Variants in ITGBL1 observed in about 807,000 individuals in gnomAD.
The protein encoded by ITGBL1 is integrin subunit beta like 1.
A neutral mutation model predicts 68.5 loss-of-function variants in ITGBL1; 51 were observed. The observed-to-expected ratio is 0.74, with a 90% confidence interval of 0.59 to 0.94. The LOEUF (loss-of-function observed/expected upper bound fraction) is 0.94. Among genes scored for constraint, ITGBL1 ranks in the 40% least tolerant of loss-of-function variants. The pLI is 0.00. For synonymous variants in ITGBL1, 209 were observed against 227.3 expected (o/e 0.92, Z 0.72); for missense variants, 649 against 647.4 (o/e 1.00, Z -0.03).
chr13:101,622,908 G>GGTGTGTGT (rs1356617988), intron 7 of ITGBL1, among the ~76,000 whole-genome samples: 1 of 93,576 alleles, frequency 1.1e-5, no homozygotes, highest in African/African-American at 4.4e-5. Flanking sequence ...GTGTGTGTGG[G>GGTGTGTGT]GTATGTATGT....
At chr13:101,710,471 C>T (rs190695683) in intron 9 of ITGBL1, among the ~76,000 whole-genome samples, 1 of 152,252 alleles carries the variant, frequency 6.6e-6, no homozygotes, top group Non-Finnish European at 1.5e-5. Context: ...CCCTGAGAAC[C>T]ACAGGAAAAG....
intron 7 of ITGBL1, among the ~76,000 whole-genome samples, chr13:101,602,472 T>C (rs1017288533): frequency 2.6e-5 from 4 of 152,036 alleles, no homozygotes; most frequent in African/African-American, 9.7e-5. Context: ...GTAATTGACA[T>C]TATTACCAAT....
At chr13:101,704,954 C>G (rs1318871946) in intron 8 of ITGBL1, among the ~76,000 whole-genome samples, 2 of 152,078 alleles carry the variant, frequency 1.3e-5, no homozygotes, top group East Asian at 3.9e-4. Flanking sequence ...TTTTGCTAAC[C>G]TGTGTGACAA....
chr13:101,626,055 G>A (rs1566763690), intron 7 of ITGBL1, among the ~76,000 whole-genome samples: 2 of 152,314 alleles, frequency 1.3e-5, no homozygotes, highest in East Asian at 1.9e-4. Flanking sequence ...TCATTGAGTT[G>A]ATGGGCCTCT....
chr13:101,697,656 T>C (rs2034033763), intron 8 of ITGBL1, among the ~76,000 whole-genome samples: 1 of 152,208 alleles, frequency 6.6e-6, no homozygotes, highest in African/African-American at 2.4e-5. Context: ...TTCTCTGCTT[T>C]GGTTTACCTA....
At chr13:101,606,174 T>TATATATATATATATA (rs1555361917) in intron 7 of ITGBL1, among the ~76,000 whole-genome samples, 105 of 138,040 alleles carry the variant, frequency 7.6e-4, no homozygotes, top group African/African-American at 2.7e-3. Context: ...ATTAGGATTT[T>TATATATATATATATA]TATATATATA....
At chr13:101,493,610 G>C (rs2048812600) in intron 2 of ITGBL1, among the ~76,000 whole-genome samples, 1 of 152,090 alleles carries the variant, frequency 6.6e-6, no homozygotes, top group South Asian at 2.1e-4. Flanking sequence ...TTCATCACCT[G>C]TTCATCCTGC....
At chr13:101,713,647 T>TG (rs1257808986) in intron 9 of ITGBL1, 2 of 152,222 alleles carry the variant, frequency 1.3e-5, no homozygotes, top group Non-Finnish European at 2.9e-5. Flanking sequence ...ACTTCTGTCT[T>TG]GGATACCATT....
chr13:101,638,200 G>C (rs2032239493), intron 7 of ITGBL1, among the ~76,000 whole-genome samples: 1 of 152,178 alleles, frequency 6.6e-6, no homozygotes, highest in South Asian at 2.1e-4. Flanking sequence ...TTATTTTACA[G>C]AGGATTTTGT....
intron 4 of ITGBL1, among the ~76,000 whole-genome samples, chr13:101,578,329 G>A (rs538350289): frequency 1.2e-4 from 19 of 152,090 alleles, no homozygotes; most frequent in Non-Finnish European, 2.4e-4. Flanking sequence ...GAGATGGAAA[G>A]AACAAAGACT....
intron 7 of ITGBL1, among the ~76,000 whole-genome samples, chr13:101,658,835 C>T (rs1450756558): frequency 6.6e-6 from 1 of 151,910 alleles, no homozygotes; most frequent in Non-Finnish European, 1.5e-5. Flanking sequence ...GGAGCACCTC[C>T]CTCACTACCG....
At chr13:101,698,787 A>G (rs1210945285) in intron 8 of ITGBL1, among the ~76,000 whole-genome samples, 2 of 152,310 alleles carry the variant, frequency 1.3e-5, no homozygotes, top group East Asian at 3.9e-4. Flanking sequence ...TGTGTGTTTA[A>G]TTGTTTAGCC....
chr13:101,669,193 G>T (rs2033297231), intron 7 of ITGBL1, among the ~76,000 whole-genome samples: 1 of 151,902 alleles, frequency 6.6e-6, no homozygotes, highest in South Asian at 2.1e-4. Context: ...TTATTTCAAA[G>T]TATTAAAAGA....
intron 7 of ITGBL1, among the ~76,000 whole-genome samples, chr13:101,625,942 A>G (rs1399049817): frequency 6.6e-6 from 1 of 152,188 alleles, no homozygotes; most frequent in Non-Finnish European, 1.5e-5. Context: ...CCTATAATGT[A>G]TTTTTAAAAT....
intron 7 of ITGBL1, among the ~76,000 whole-genome samples, chr13:101,634,062 TATA>T (rs1295946425): frequency 6.6e-6 from 1 of 152,178 alleles, no homozygotes; most frequent in Non-Finnish European, 1.5e-5. Context: ...ACCTTTTAAT[TATA>T]ATATTCTAAT....
At chr13:101,703,831 A>G (rs1389537865) in intron 8 of ITGBL1, among the ~76,000 whole-genome samples, 1 of 152,228 alleles carries the variant, frequency 6.6e-6, no homozygotes, top group African/African-American at 2.4e-5. Flanking sequence ...ATTGTAGAAG[A>G]TGCAAACCTT....
At chr13:101,503,673 A>G (rs767636983) in intron 2 of ITGBL1, among the ~76,000 whole-genome samples, 1 of 152,242 alleles carries the variant, frequency 6.6e-6, no homozygotes, top group South Asian at 2.1e-4. Context: ...CAACAGAAAG[A>G]ACTGGTTTTC....
At chr13:101,546,983 A>C (rs2049836465) in intron 2 of ITGBL1, among the ~76,000 whole-genome samples, 1 of 152,044 alleles carries the variant, frequency 6.6e-6, no homozygotes, top group Admixed American at 6.6e-5. Context: ...AAAGAATAAT[A>C]AAACCAGAGA....
intron 2 of ITGBL1, among the ~76,000 whole-genome samples, chr13:101,534,541 A>C (rs1333859698): frequency 6.6e-6 from 1 of 152,136 alleles, no homozygotes; most frequent in Non-Finnish European, 1.5e-5. Flanking sequence ...AAATGGAAAG[A>C]CCCTGGAAAG....
Sources: allele counts gnomAD v4.1 joint callset (sites outside exome capture counted in the v4.1 genomes callset), GRCh38; gene constraint gnomAD v4.1.1; transcripts MANE v1.5; gene names NCBI Gene and HGNC (gene_info 2026-07-23, HGNC 2026-07-21).